The following PGCKA1 variants were observed in gnomAD, a reference collection of about 807,000 sequenced individuals.
The protein encoded by PGCKA1 is PDCD10 and GCKIII kinases-associated protein 1.
At chr4:37,586,884 T>C in the PGCKA1 span, among the ~76,000 whole-genome samples, 1 of 152,210 alleles carries the variant, frequency 6.6e-6, no homozygotes, top group East Asian at 1.9e-4. Context: ...CACTCCAGCC[T>C]GGGCAACAGA....
chr4:37,486,228 A>C, the PGCKA1 span, among the ~76,000 whole-genome samples: 17,299 of 151,558 alleles, frequency 0.11, 1,161 homozygotes, highest in South Asian at 0.26. Context: ...TCTAACTCCT[A>C]CTCTTAGGTG....
At chr4:37,573,261 C>T in the PGCKA1 span, among the ~76,000 whole-genome samples, 1 of 152,194 alleles carries the variant, frequency 6.6e-6, no homozygotes, top group Non-Finnish European at 1.5e-5. Flanking sequence ...AGTTAGTAGT[C>T]ATTTGTACCA....
the PGCKA1 span, among the ~76,000 whole-genome samples, chr4:37,499,196 C>CT: frequency 2.0e-5 from 3 of 152,286 alleles, no homozygotes; most frequent in South Asian, 6.2e-4. Flanking sequence ...GGTGCATAAG[C>CT]TTTTTGCTAT....
the PGCKA1 span, among the ~76,000 whole-genome samples, chr4:37,490,889 G>A: frequency 1.3e-5 from 2 of 152,096 alleles, no homozygotes; most frequent in African/African-American, 2.4e-5. Flanking sequence ...AGAGTTCAAG[G>A]GACATTAGAA....
the PGCKA1 span, among the ~76,000 whole-genome samples, chr4:37,554,876 G>T: frequency 6.6e-6 from 1 of 152,184 alleles, no homozygotes; most frequent in Non-Finnish European, 1.5e-5. Flanking sequence ...GTAGCTGGAG[G>T]AGTTCCCCAG....
chr4:37,575,942 T>A, the PGCKA1 span, among the ~76,000 whole-genome samples: 2 of 152,264 alleles, frequency 1.3e-5, no homozygotes, highest in East Asian at 1.9e-4. Flanking sequence ...TTCTGTCTTC[T>A]ATTGGTCTAT....
chr4:37,577,950 T>A, the PGCKA1 span, among the ~76,000 whole-genome samples: 2 of 152,240 alleles, frequency 1.3e-5, no homozygotes, highest in Non-Finnish European at 2.9e-5. Context: ...GTTTTAAGAC[T>A]TGTTTTGTGA....
the PGCKA1 span, among the ~76,000 whole-genome samples, chr4:37,584,609 G>A: frequency 1.3e-5 from 2 of 152,170 alleles, no homozygotes; most frequent in Non-Finnish European, 2.9e-5. Flanking sequence ...AAGCAGGGAA[G>A]GGGCAGTTTT....
chr4:37,534,377 C>A, the PGCKA1 span, among the ~76,000 whole-genome samples: 1 of 152,128 alleles, frequency 6.6e-6, no homozygotes, highest in South Asian at 2.1e-4. Flanking sequence ...TAAAGCCACG[C>A]CTTGGACTCT....
chr4:37,460,611 T>G, the PGCKA1 span: 1 of 451,654 alleles, frequency 2.2e-6, no homozygotes, highest in Non-Finnish European at 4.4e-6. Context: ...TTTATATGTT[T>G]GTTGGTCACA....
chr4:37,533,731 T>C, the PGCKA1 span, among the ~76,000 whole-genome samples: 1 of 151,262 alleles, frequency 6.6e-6, no homozygotes, highest in African/African-American at 2.5e-5. Context: ...CTGGAAGGGA[T>C]AAAAATAATA....
chr4:37,478,347 G>C, the PGCKA1 span, among the ~76,000 whole-genome samples: 3 of 151,940 alleles, frequency 2.0e-5, no homozygotes, highest in Non-Finnish European at 4.4e-5. Flanking sequence ...GGATCTCTAG[G>C]CCCGGAGCCA....
At chr4:37,564,471 T>C in the PGCKA1 span, among the ~76,000 whole-genome samples, 1 of 151,390 alleles carries the variant, frequency 6.6e-6, no homozygotes, top group African/African-American at 2.4e-5. Context: ...AAATGAAAGT[T>C]ACCATGCACT....
the PGCKA1 span, among the ~76,000 whole-genome samples, chr4:37,498,682 A>G: frequency 6.6e-6 from 1 of 152,026 alleles, no homozygotes; most frequent in Non-Finnish European, 1.5e-5. Context: ...TTGATTTTGT[A>G]TCCTGACAGT....
the PGCKA1 span, among the ~76,000 whole-genome samples, chr4:37,592,090 C>A: frequency 6.6e-6 from 1 of 151,762 alleles, no homozygotes; most frequent in Admixed American, 6.6e-5. Flanking sequence ...CGCCTGTAAT[C>A]CCAGCTACTT....
chr4:37,514,749 A>G, the PGCKA1 span, among the ~76,000 whole-genome samples: 155 of 152,336 alleles, frequency 1.0e-3, 1 homozygote, highest in Non-Finnish European at 8.7e-4. Flanking sequence ...TGGTAGGGAT[A>G]GTATATCTGA....
chr4:37,570,146 A>ATTTTTTTTTTTTTTTTTT, the PGCKA1 span, among the ~76,000 whole-genome samples: 2 of 78,932 alleles, frequency 2.5e-5, no homozygotes, highest in Admixed American at 1.8e-4. Context: ...CGCCTGGCTA[A>ATTTTTTTTTTTTTTTTTT]TTTTTTTTTT....
the PGCKA1 span, among the ~76,000 whole-genome samples, chr4:37,469,984 G>A: frequency 6.6e-6 from 1 of 152,190 alleles, no homozygotes; most frequent in Non-Finnish European, 1.5e-5. Flanking sequence ...GGGAGATACA[G>A]TTTGTATGCA....
chr4:37,564,328 C>T, the PGCKA1 span, among the ~76,000 whole-genome samples: 4 of 151,356 alleles, frequency 2.6e-5, no homozygotes, highest in African/African-American at 9.7e-5. Flanking sequence ...AGACAATTGC[C>T]ATGAACATGC....
Sources: gnomAD v4.1 joint callset for allele counts (sites outside exome capture counted in the v4.1 genomes callset) on GRCh38, gnomAD v4.1.1 for gene constraint, MANE v1.5 for transcripts, NCBI Gene and HGNC (gene_info 2026-07-23, HGNC 2026-07-21) for gene names.